MANBAL: variants seen among roughly 807,000 people sequenced by gnomAD.
The protein encoded by MANBAL is mannosidase beta like.
A neutral mutation model predicts 6.4 loss-of-function variants in MANBAL; 1 was observed. That is an observed-to-expected ratio of 0.16 (90% CI 0.06 to 0.74). The LOEUF is 0.74. Ranked by LOEUF, MANBAL falls within the 30% of genes least tolerant of loss-of-function variation. MANBAL has a pLI of 0.78. For synonymous variants in MANBAL, 47 were observed against 45.8 expected (o/e 1.03, Z -0.10); for missense variants, 100 against 107.8 (o/e 0.93, Z 0.32).
intron 2 of MANBAL, among the ~76,000 whole-genome samples, chr20:37,312,838 G>A (rs2069418803): frequency 6.6e-6 from 1 of 152,180 alleles, no homozygotes. Flanking sequence ...CTATGCTTAA[G>A]GCATAATTTA....
intron 2 of MANBAL, among the ~76,000 whole-genome samples, chr20:37,308,450 A>G (rs2069308038): frequency 6.6e-6 from 1 of 152,076 alleles, no homozygotes; most frequent in African/African-American, 2.4e-5. Flanking sequence ...GTCTGACACC[A>G]CCACTGTGTT....
intron 2 of MANBAL, among the ~76,000 whole-genome samples, chr20:37,311,423 G>T (rs1454220919): frequency 6.6e-6 from 1 of 152,238 alleles, no homozygotes; most frequent in Non-Finnish European, 1.5e-5. Context: ...CAAAGTTTTT[G>T]AAGGAGGAAA....
At chr20:37,298,858 T>A (rs2069064468) in intron 1 of MANBAL, 1 of 152,056 alleles carries the variant, frequency 6.6e-6, no homozygotes, top group Non-Finnish European at 1.5e-5. Context: ...TGCCTCAGCC[T>A]TCTGAGTAGC....
chr20:37,309,679 C>G (rs1002487291), intron 2 of MANBAL, among the ~76,000 whole-genome samples: 1 of 152,212 alleles, frequency 6.6e-6, no homozygotes. Flanking sequence ...TACTGCACCA[C>G]AGGTGGCTCA....
At chr20:37,303,246 G>A (rs183653441) in intron 2 of MANBAL, among the ~76,000 whole-genome samples, 25 of 152,232 alleles carry the variant, frequency 1.6e-4, no homozygotes, top group African/African-American at 6.0e-4. Flanking sequence ...CCCCAGTCTT[G>A]GAATCAGTCA....
chr20:37,295,743 C>T (rs1324985972), intron 1 of MANBAL, among the ~76,000 whole-genome samples: 2 of 152,186 alleles, frequency 1.3e-5, no homozygotes, highest in African/African-American at 2.4e-5. Context: ...GTGAAGTATG[C>T]GAGTTGCTGC....
At chr20:37,305,742 TA>T (rs966623043) in intron 2 of MANBAL, among the ~76,000 whole-genome samples, 7 of 151,652 alleles carry the variant, frequency 4.6e-5, no homozygotes, top group African/African-American at 1.7e-4. Flanking sequence ...ACTGTTGATC[TA>T]ACTTTTTACT....
chr20:37,316,235 C>T, intron 2 of MANBAL, 73 bp from the exon 3 acceptor site: 1 of 1,375,670 alleles, frequency 7.3e-7, no homozygotes, highest in Non-Finnish European at 1.0e-6. Context: ...TCTTTGCTTT[C>T]AGATGTGATC....
intron 1 of MANBAL, among the ~76,000 whole-genome samples, chr20:37,300,466 A>T (rs1051242107): frequency 6.6e-6 from 1 of 152,196 alleles, no homozygotes; most frequent in Non-Finnish European, 1.5e-5. Context: ...GGCATATCAC[A>T]TCTCGACGTG....
chr20:37,316,231 C>T (rs991513954), intron 2 of MANBAL, 77 bp from the exon 3 acceptor site: 12 of 1,348,600 alleles, frequency 8.9e-6, no homozygotes, highest in South Asian at 5.1e-5. Flanking sequence ...TGCTTCTTTG[C>T]TTTCAGATGT....
chr20:37,308,084 C>T (rs529995225), intron 2 of MANBAL, among the ~76,000 whole-genome samples: 8 of 152,264 alleles, frequency 5.3e-5, no homozygotes, highest in South Asian at 2.1e-4. Flanking sequence ...TGCTTGCTGG[C>T]CCTGTGGTGA....
rs188384913 is a variant in MANBAL at position 37,292,300 on chromosome 20, T to G, written c.-57+2614T>G. On this transcript the variant is annotated intron_variant, in intron 1 of 2. Transcript: ENST00000373606. ...GTCATATATTTGTATCGGTGTGAAC[T>G]CATGGATTTGTTTTGTTTTGAGACA... Among the ~76,000 whole-genome samples the G allele has an allele frequency of 2.2e-3, 338 of 152,324 alleles. 2 individuals are homozygous for G. Among genetic ancestry groups the G allele is most frequent in the Middle Eastern group, 6.8e-3 (2 of 294 alleles).
Position 37,291,219 on chromosome 20 carries a change from A to T in MANBAL, c.-57+1533A>T, listed in dbSNP as rs148406429. 3.7e-3 allele frequency among the ~76,000 whole-genome samples: 563 copies of T among 152,310 alleles called. 2 individuals carry two copies. The highest frequency in any genetic ancestry group is 0.014 in the Middle Eastern group (4 of 294). ...TTTTAGAATAATTTTAGATTTACAA[A>T]GTTATCGCAAAGATACTTCAGTGAG... On this transcript the variant is annotated intron_variant, in intron 1 of 2. Coordinates refer to ENST00000373606, the MANE Select transcript of MANBAL (RefSeq NM_001003897.2).
intron 2 of MANBAL, among the ~76,000 whole-genome samples, chr20:37,303,965 A>G (rs944749486): frequency 1.3e-5 from 2 of 152,206 alleles, no homozygotes; most frequent in Non-Finnish European, 2.9e-5. Context: ...ACCACCTGGA[A>G]TCCAAGTTCC....
intron 1 of MANBAL, among the ~76,000 whole-genome samples, chr20:37,291,444 C>T (rs1052612553): frequency 1.3e-5 from 2 of 152,194 alleles, no homozygotes; most frequent in African/African-American, 4.8e-5. Context: ...GGCTCATCAT[C>T]TCTGTGATCG....
chr20:37,311,349 C>T (rs533177591), intron 2 of MANBAL, among the ~76,000 whole-genome samples: 3 of 152,306 alleles, frequency 2.0e-5, no homozygotes, highest in African/African-American at 7.2e-5. Flanking sequence ...GGGCCAAGAC[C>T]GAGCAAGAGG....
chr20:37,315,894 C>T (rs557028194), intron 2 of MANBAL, among the ~76,000 whole-genome samples: 1 of 152,378 alleles, frequency 6.6e-6, no homozygotes, highest in East Asian at 1.9e-4. Flanking sequence ...ATCGGCCAGT[C>T]ACTGGGTGCA....
chr20:37,292,008 A>G (rs2068882414), intron 1 of MANBAL, among the ~76,000 whole-genome samples: 1 of 152,222 alleles, frequency 6.6e-6, no homozygotes, highest in Non-Finnish European at 1.5e-5. Flanking sequence ...ACATCATATC[A>G]AGGGTACATA....
chr20:37,315,475 C>G (rs1283270367), intron 2 of MANBAL, among the ~76,000 whole-genome samples: 1 of 152,368 alleles, frequency 6.6e-6, no homozygotes, highest in Middle Eastern at 3.4e-3. Flanking sequence ...TGTGTCCCTT[C>G]CCTGGAGTCT....
Sources: gnomAD v4.1 joint callset for allele counts (sites outside exome capture counted in the v4.1 genomes callset) on GRCh38, gnomAD v4.1.1 for gene constraint, MANE v1.5 for transcripts, NCBI Gene and HGNC (gene_info 2026-07-23, HGNC 2026-07-21) for gene names.